ASPH: variants seen among roughly 807,000 people sequenced by gnomAD.
ASPH encodes the protein aspartate beta-hydroxylase.
Under a neutral mutation model 118.4 loss-of-function variants are expected in ASPH, and 100 were observed. The observed-to-expected ratio is 0.84, with a 90% CI of 0.72 to 1.00. The LOEUF (loss-of-function observed/expected upper bound fraction) is 1.00, where lower values mean the gene tolerates loss of function less well. Among genes scored for constraint, ASPH ranks in the 50% least tolerant of loss-of-function variants. The pLI is 0.00. For synonymous variants in ASPH, 315 were observed against 325.6 expected (o/e 0.97, Z 0.35); for missense variants, 920 against 919.5 (o/e 1.00, Z -0.01).
At chr8:61,662,283 T>A (rs1458771669) in intron 3 of ASPH, among the ~76,000 whole-genome samples, 1 of 152,174 alleles carries the variant, frequency 6.6e-6, no homozygotes, top group East Asian at 1.9e-4. Flanking sequence ...TGTAATCAAG[T>A]CACAATATAA....
chr8:61,582,654 T>C (rs926089710), intron 15 of ASPH, among the ~76,000 whole-genome samples: 5 of 152,254 alleles, frequency 3.3e-5, no homozygotes, highest in Non-Finnish European at 5.9e-5. Flanking sequence ...CCTCACCTAA[T>C]GCCAGTTCCA....
chr8:61,599,308 C>T (rs551643892), intron 14 of ASPH, among the ~76,000 whole-genome samples: 8 of 151,566 alleles, frequency 5.3e-5, no homozygotes, highest in South Asian at 4.2e-4. Context: ...CATCACACAC[C>T]GGGGCCTGTT....
rs867906965 is a variant in ASPH at position 61,539,600 on chromosome 8, G to A, written c.1764+8471C>T. 1.2e-4 allele frequency among the ~76,000 whole-genome samples: 19 copies of A among 152,022 alleles called. 1 individual carries two copies. The Middle Eastern group carries it at 0.01, about 82-fold the overall frequency. On this transcript the variant is annotated intron_variant, in intron 21 of 24. Coordinates refer to ENST00000379454, the MANE Select transcript of ASPH (RefSeq NM_004318.4). Reference sequence around the variant, plus strand: ...GTTTCAGGTGTTTTCTATCTATTAGGAGACTGCCTTTCCCTGGTGCCGGCT... The same window carrying A: ...GTTTCAGGTGTTTTCTATCTATTAGAAGACTGCCTTTCCCTGGTGCCGGCT...
chr8:61,505,366 A>G (rs1806087309), intron 24 of ASPH, among the ~76,000 whole-genome samples: 1 of 152,020 alleles, frequency 6.6e-6, no homozygotes, highest in Non-Finnish European at 1.5e-5. Flanking sequence ...GTGGTAGCGC[A>G]TGCCTGTAAT....
intron 14 of ASPH, among the ~76,000 whole-genome samples, chr8:61,585,983 T>C (rs1425975781): frequency 1.3e-5 from 2 of 152,236 alleles, no homozygotes; most frequent in Non-Finnish European, 2.9e-5. Flanking sequence ...AAGTGCTCAG[T>C]ACCTGAGAGC....
At chr8:61,604,588 C>T (rs931071114) in intron 14 of ASPH, among the ~76,000 whole-genome samples, 4 of 152,168 alleles carry the variant, frequency 2.6e-5, no homozygotes, top group Admixed American at 2.0e-4. Flanking sequence ...CATTCCAAAA[C>T]ATCACAGATT....
rs565061380 is a variant in ASPH, at chr8:61,523,360, G to C, written c.1900+2617C>G. 2.1e-3 allele frequency among the ~76,000 whole-genome samples: 311 copies of C among 144,772 alleles called. 2 individuals are homozygous for C. The highest frequency in any genetic ancestry group is 7.4e-3 in the African/African-American group (291 of 39,460). 95.0% of individuals were successfully genotyped at this position (144,772 alleles called of 152,430 possible). On this transcript the variant is annotated intron_variant, in intron 22 of 24. Transcript: ENST00000379454. ...TTTGACAGTCTCGCTCTGTTGCCCA[G>C]GCTGGAGTGCAGTGGCATGATCTCG...
At chr8:61,703,193 T>C (rs965536792) in intron 1 of ASPH, among the ~76,000 whole-genome samples, 3 of 152,198 alleles carry the variant, frequency 2.0e-5, no homozygotes, top group African/African-American at 7.2e-5. Context: ...TTTTACTTAC[T>C]TAATGGTAAA....
At chr8:61,548,922 G>T (rs907044389) in intron 20 of ASPH, among the ~76,000 whole-genome samples, 1 of 152,122 alleles carries the variant, frequency 6.6e-6, no homozygotes, top group African/African-American at 2.4e-5. Flanking sequence ...AGGGACAGCT[G>T]GCTACGGAGC....
intron 14 of ASPH, among the ~76,000 whole-genome samples, chr8:61,601,545 A>G (rs1031180696): frequency 4.7e-5 from 7 of 150,186 alleles, no homozygotes; most frequent in Admixed American, 2.0e-4. Flanking sequence ...ATCTCAAAAA[A>G]AGAGAGAGAG....
chr8:61,607,666 A>G (rs1348542000), intron 14 of ASPH, among the ~76,000 whole-genome samples: 2 of 152,190 alleles, frequency 1.3e-5, no homozygotes, highest in African/African-American at 4.8e-5. Flanking sequence ...GAGACCCATG[A>G]ATCGGTCTAT....
chr8:61,517,502 T>A, intron 24 of ASPH, 26 bp downstream of exon 24: 1 of 1,610,748 alleles, frequency 6.2e-7, no homozygotes, highest in Non-Finnish European at 8.5e-7. Context: ...AGGTGACGGA[T>A]ATGACGGATA....
At chr8:61,622,960 G>T (rs1851517513) in intron 13 of ASPH, among the ~76,000 whole-genome samples, 1 of 152,110 alleles carries the variant, frequency 6.6e-6, no homozygotes, top group African/African-American at 2.4e-5. Context: ...AGAACCCCAG[G>T]GGCTTCTTCC....
chr8:61,656,066 GA>G (rs1813513765), intron 3 of ASPH: 1 of 152,080 alleles, frequency 6.6e-6, no homozygotes, highest in Non-Finnish European at 1.5e-5. Context: ...AAATTTGAGG[GA>G]AAAAGCAAGC....
intron 15 of ASPH, among the ~76,000 whole-genome samples, chr8:61,582,468 C>T (rs915276924): frequency 6.1e-4 from 93 of 152,124 alleles, no homozygotes; most frequent in African/African-American, 2.2e-3. Context: ...TACAAACTGA[C>T]CACAAACAGT....
At chr8:61,663,235 G>A (rs1405489363) in intron 3 of ASPH, 2 of 985,192 alleles carry the variant, frequency 2.0e-6, no homozygotes, top group East Asian at 2.3e-4. Flanking sequence ...TACATTTGAT[G>A]AAGTTTGAGT....
intron 14 of ASPH, among the ~76,000 whole-genome samples, chr8:61,589,788 A>T (rs10108389): frequency 0.01 from 1,585 of 152,290 alleles, 31 homozygotes; most frequent in African/African-American, 0.036. Flanking sequence ...TCAGAATTCA[A>T]CGGGATCTTT....
At chr8:61,629,388 G>A (rs942314104) in intron 13 of ASPH, among the ~76,000 whole-genome samples, 11 of 152,266 alleles carry the variant, frequency 7.2e-5, no homozygotes, top group African/African-American at 2.4e-4. Flanking sequence ...TTTGTGTTGT[G>A]TATATTTATG....
intron 14 of ASPH, among the ~76,000 whole-genome samples, chr8:61,600,393 G>T (rs1843654938): frequency 1.3e-5 from 2 of 151,394 alleles, no homozygotes; most frequent in African/African-American, 4.9e-5. Flanking sequence ...AAAAGGGCAA[G>T]AAAAAGAAAT....
Sources: gnomAD v4.1 joint callset for allele counts (sites outside exome capture counted in the v4.1 genomes callset) on GRCh38, gnomAD v4.1.1 for gene constraint, MANE v1.5 for transcripts, NCBI Gene and HGNC (gene_info 2026-07-23, HGNC 2026-07-21) for gene names.